LUC7L2: variants seen among roughly 807,000 people sequenced by gnomAD.
LUC7L2 encodes the protein putative RNA-binding protein Luc7-like 2.
A neutral mutation model predicts 52.8 loss-of-function variants in LUC7L2; 25 were observed. The observed-to-expected ratio is 0.47, with a 90% CI of 0.34 to 0.66. LUC7L2 has a LOEUF of 0.66. Ranked by LOEUF, LUC7L2 falls within the 30% of genes least tolerant of loss-of-function variation. The pLI is 0.01. For synonymous variants in LUC7L2, 144 were observed against 160.9 expected (o/e 0.89, Z 0.80); for missense variants, 328 against 497.8 (o/e 0.66, Z 3.25).
intron 5 of LUC7L2, among the ~76,000 whole-genome samples, 172 bp from the exon 6 acceptor site, chr7:139,407,002 T>A (rs993295830): frequency 2.2e-5 from 1 of 45,172 alleles, no homozygotes; most frequent in East Asian, 1.2e-3. Flanking sequence ...GCTTTTGTGG[T>A]TTTTTTTTTT....
At chr7:139,399,513 A>G (rs548436059) in intron 3 of LUC7L2, among the ~76,000 whole-genome samples, 17 of 115,594 alleles carry the variant, frequency 1.5e-4, no homozygotes, top group African/African-American at 5.3e-4. Context: ...TCTGTAGCCC[A>G]GACTGGAGTG....
At chr7:139,350,925 T>C (rs568257098) in intron 1 of LUC7L2, among the ~76,000 whole-genome samples, 44 of 152,066 alleles carry the variant, frequency 2.9e-4, no homozygotes, top group Admixed American at 2.6e-3. Context: ...TTGCCCGCCT[T>C]GGCCTCCCAA....
intron 2 of LUC7L2, among the ~76,000 whole-genome samples, chr7:139,382,144 C>T (rs1436274488): frequency 6.6e-6 from 1 of 152,026 alleles, no homozygotes; most frequent in African/African-American, 2.4e-5. Flanking sequence ...CCTACCTTGG[C>T]CTCCCAAAGT....
intron 2 of LUC7L2, 90 bp from the exon 3 acceptor site, chr7:139,398,509 T>TA (rs1203602060): frequency 1.5e-5 from 15 of 1,005,088 alleles, no homozygotes; most frequent in Non-Finnish European, 2.0e-5. Flanking sequence ...CTGTATGACT[T>TA]AATATGTATT....
intron 2 of LUC7L2, among the ~76,000 whole-genome samples, chr7:139,394,463 A>G (rs954284560): frequency 2.6e-5 from 4 of 152,208 alleles, no homozygotes; most frequent in Admixed American, 1.3e-4. Context: ...CTTAGTCTAC[A>G]TAGTTGCTTT....
chr7:139,375,971 G>A, intron 1 of LUC7L2, 91 bp from the exon 2 acceptor site: 1 of 1,292,200 alleles, frequency 7.7e-7, no homozygotes, highest in Non-Finnish European at 1.1e-6. Flanking sequence ...TGTGTATATA[G>A]CCACACATAA....
exon 1 of LUC7L2, chr7:139,340,492 T>C (rs372972377): frequency 7.5e-5 from 30 of 398,552 alleles, no homozygotes; most frequent in African/African-American, 3.7e-4. Context: ...CCGTTCAACG[T>C]CCGGAGCATC....
At chr7:139,410,143 G>C (rs1188210837) in intron 7 of LUC7L2, among the ~76,000 whole-genome samples, 1 of 151,944 alleles carries the variant, frequency 6.6e-6, no homozygotes, top group East Asian at 1.9e-4. Flanking sequence ...GGGGGGCAGA[G>C]CCTGCAGTGA....
Position 139,376,046 on chromosome 7 carries a change from C to T in LUC7L2, c.62-16C>T. ...GTTGTCTAACCTTGAATGTTATTAA[C>T]TCTTCTATATTACAGGAGATACAAC... On this transcript the variant is annotated splice_polypyrimidine_tract_variant and intron_variant, in intron 1 of 9. Coordinates refer to ENST00000354926, the MANE Select transcript of LUC7L2 (RefSeq NM_016019.5). The T allele has an allele frequency of 6.2e-7, 1 of 1,612,486 alleles. No homozygotes were observed. Among genetic ancestry groups the T allele is most frequent in the Non-Finnish European group, 8.5e-7 (1 of 1,179,212 alleles).
At chr7:139,341,308 T>G in intron 1 of LUC7L2, 3 of 1,537,848 alleles carry the variant, frequency 2.0e-6, no homozygotes, top group Non-Finnish European at 2.6e-6. Context: ...ACCGTACCAT[T>G]AGGCGCCTGG....
In LUC7L2 at chr7:139,345,898, T is replaced by A. The variant is rs537415722; in HGVS notation, c.-26+5381T>A. The stretch of plus-strand genomic sequence containing the variant: ...CTGAACTTTTTGCACTAGACTGATG[T>A]TGTTTTTCTACTTAAAAAAATTTTT... On this transcript the variant is annotated intron_variant, in intron 1 of 10. Coordinates refer to the LUC7L2 transcript ENST00000541170. 3.9e-4 allele frequency: 226 copies of A among 582,748 alleles called. 3 individuals carry two copies. The South Asian group carries it at 7.6e-3, about 20-fold the overall frequency. 36.1% of individuals were successfully genotyped at this position (582,748 alleles called of 1,614,324 possible). A position where few individuals can be genotyped will look rare whatever the true frequency, so the allele number is the denominator to read the frequency against.
chr7:139,375,945 G>A (rs1800685504), intron 1 of LUC7L2, 117 bp from the exon 2 acceptor site: 2 of 1,029,196 alleles, frequency 1.9e-6, no homozygotes, highest in Non-Finnish European at 2.8e-6. Context: ...AATCCCTCTT[G>A]AGCTGATTTA....
At position 139,340,517 on chromosome 7, in the gene LUC7L2, G is replaced by GTTTA. The variant is rs1585050934; in HGVS notation, c.-26_-26+1insTTTA. On this transcript the variant is annotated splice_region_variant and 5_prime_UTR_variant. Coordinates refer to the LUC7L2 transcript ENST00000541170. ...TCCGGAGCATCGGTGCAGTTTCGAG[G>GTTTA]GTAAAGCCTTTGGCGCGGTGATGTG... 1.0e-5 allele frequency: 4 copies of GTTTA among 398,500 alleles called. No homozygotes were observed. The East Asian group carries it at 1.4e-4, about 14-fold the overall frequency. 24.7% of individuals were successfully genotyped at this position (398,500 alleles called of 1,614,324 possible).
At chr7:139,396,671 G>A (rs1004186865) in intron 2 of LUC7L2, among the ~76,000 whole-genome samples, 1 of 152,134 alleles carries the variant, frequency 6.6e-6, no homozygotes, top group Non-Finnish European at 1.5e-5. Context: ...AAATGTGTTA[G>A]TACATAGAAT....
chr7:139,385,038 A>C (rs1234215837), intron 2 of LUC7L2, among the ~76,000 whole-genome samples: 1 of 152,164 alleles, frequency 6.6e-6, no homozygotes, highest in Non-Finnish European at 1.5e-5. Flanking sequence ...CATGTATAGT[A>C]ATATCTTATT....
chr7:139,377,307 C>A (rs563812005), intron 2 of LUC7L2, among the ~76,000 whole-genome samples: 1 of 152,160 alleles, frequency 6.6e-6, no homozygotes, highest in Non-Finnish European at 1.5e-5. Context: ...TGGCTTCAAG[C>A]GATTCTCCTG....
chr7:139,345,356 A>C, intron 1 of LUC7L2: 1 of 1,279,626 alleles, frequency 7.8e-7, no homozygotes, highest in Non-Finnish European at 1.0e-6. Flanking sequence ...CTATAGATGT[A>C]TTAAGTATAC....
chr7:139,357,777 C>T (rs796925284), upstream of LUC7L2, among the ~76,000 whole-genome samples: 2 of 151,892 alleles, frequency 1.3e-5, no homozygotes, highest in African/African-American at 4.8e-5. Context: ...CTGCAACCTC[C>T]GCCTCTTGGG....
intron 7 of LUC7L2, among the ~76,000 whole-genome samples, chr7:139,410,100 G>A (rs1216849393): frequency 1.3e-5 from 2 of 152,034 alleles, no homozygotes; most frequent in Admixed American, 6.5e-5. Flanking sequence ...CCAGCTGCGC[G>A]GGAGGCTGAG....
Sources: allele counts gnomAD v4.1 joint callset (sites outside exome capture counted in the v4.1 genomes callset), GRCh38; gene constraint gnomAD v4.1.1; transcripts MANE v1.5; gene names NCBI Gene and HGNC (gene_info 2026-07-23, HGNC 2026-07-21).